The following ZNF550 variants were observed in gnomAD, a reference collection of about 807,000 sequenced individuals.
The protein encoded by ZNF550 is zinc finger protein 550.
A neutral mutation model predicts 40.2 loss-of-function variants in ZNF550; 42 were observed. That is an observed-to-expected ratio of 1.05 (90% CI 0.82 to 1.35). The LOEUF is 1.35. Ranked by LOEUF, ZNF550 falls within the 40% of genes most tolerant of loss-of-function variation. The probability of loss-of-function intolerance (pLI) is 0.00; values close to 1 mark genes in which losing one functional copy is unlikely to be tolerated. For synonymous variants in ZNF550, 223 were observed against 198.6 expected, an observed-to-expected ratio of 1.12 and a Z score of -1.03; for missense variants, 549 against 525.2, an observed-to-expected ratio of 1.05 and a Z score of -0.44.
At chr19:57,545,948 G>A (rs555913949) in intron 4 of ZNF550, among the ~76,000 whole-genome samples, 58 of 152,252 alleles carry the variant, frequency 3.8e-4, no homozygotes, top group Admixed American at 1.8e-3. Context: ...AGGAGTTCGA[G>A]GTTACAGGGA....
At chr19:57,548,454 G>A (rs949943361) in intron 3 of ZNF550, among the ~76,000 whole-genome samples, 4 of 152,132 alleles carry the variant, frequency 2.6e-5, no homozygotes, top group African/African-American at 9.7e-5. Context: ...ACATACAAAT[G>A]GCCAACAGGT....
chr19:57,552,519 C>T, intron 3 of ZNF550, 108 bp downstream of exon 3: 5 of 843,296 alleles, frequency 5.9e-6, no homozygotes, highest in Non-Finnish European at 9.2e-6. Context: ...CAACCAGGCC[C>T]CCGGAAAGCC....
chr19:57,553,855 A>G (rs911566884), intron 2 of ZNF550: 12 of 152,160 alleles, frequency 7.9e-5, no homozygotes, highest in African/African-American at 2.9e-4. Flanking sequence ...GTGCCCCCCA[A>G]AATTCTGGTG....
At chr19:57,547,771 T>A in exon 4 of ZNF550, 1 of 1,614,104 alleles carries the variant, frequency 6.2e-7, no homozygotes, top group Non-Finnish European at 8.5e-7. Context: ...ACCTTCACCT[T>A]CAAGGCTCAC....
At chr19:57,547,347 C>T (rs770454593) in exon 4 of ZNF550, 2 of 1,613,356 alleles carry the variant, frequency 1.2e-6, no homozygotes, top group South Asian at 2.2e-5. Flanking sequence ...TAAAAGTAGA[C>T]CGGTGGGTGA....
chr19:57,552,594 ATGACTCCACATGACCAGCTGG>A lies in ZNF550; in HGVS notation c.250+12_250+32del. The A allele has an allele frequency of 2.0e-6, 3 of 1,521,846 alleles. No individual in the cohort carries two copies. Among genetic ancestry groups the A allele is most frequent in the Non-Finnish European group, 2.7e-6 (3 of 1,116,062 alleles). The allele number at this position is 1,521,846 out of a possible 1,614,324, so 94.3% of individuals were successfully genotyped here. On this transcript the variant is annotated intron_variant, in intron 3 of 4. Coordinates refer to ENST00000457177, the Ensembl canonical transcript of ZNF550. ...GCCCTCACATTATCTGAAGACTGCC[ATGACTCCACATGACCAGCTGG>A]TGGCTGCTTACCTGCACAGGTAGCA...
intron 4 of ZNF550, among the ~76,000 whole-genome samples, chr19:57,545,818 G>T (rs1274324668): frequency 1.3e-5 from 2 of 152,100 alleles, no homozygotes; most frequent in African/African-American, 4.8e-5. Context: ...TTCCAGACCA[G>T]CCCAGCCAAC....
At chr19:57,557,941 G>A (rs939146491) in intron 1 of ZNF550, among the ~76,000 whole-genome samples, 13 of 152,236 alleles carry the variant, frequency 8.5e-5, no homozygotes, top group Non-Finnish European at 1.8e-4. Context: ...AATCAGTGGA[G>A]TGCCTAGCAC....
chr19:57,543,380 G>A (rs1046916424), intron 4 of ZNF550: 1 of 237,418 alleles, frequency 4.2e-6, no homozygotes, highest in Non-Finnish European at 6.8e-6. Context: ...TTAACTGGGT[G>A]AGGATCCTTC....
intron 1 of ZNF550, 95 bp downstream of exon 1, chr19:57,559,561 T>C (rs890580217): frequency 8.0e-6 from 10 of 1,256,990 alleles, no homozygotes; most frequent in Admixed American, 2.5e-5. Flanking sequence ...CGGCAGGGAC[T>C]GCACTGAGGA....
chr19:57,544,109 G>C, intron 4 of ZNF550: 2 of 985,412 alleles, frequency 2.0e-6, no homozygotes, highest in South Asian at 9.4e-5. Flanking sequence ...ATATTAGACA[G>C]TAAGTTCCTT....
intron 3 of ZNF550, among the ~76,000 whole-genome samples, 168 bp from the exon 4 acceptor site, chr19:57,548,161 C>A (rs535025997): frequency 2.2e-4 from 33 of 152,280 alleles, no homozygotes; most frequent in Admixed American, 1.7e-3. Context: ...GTCCTTGTAT[C>A]CTTGACACCA....
At chr19:57,559,662 T>A (rs993033694) in exon 1 of ZNF550, 1 of 1,508,208 alleles carries the variant, frequency 6.6e-7, no homozygotes, top group East Asian at 2.5e-5. Context: ...TCACCTGCGC[T>A]GCGTCCTTCG....
chr19:57,552,577 A>G, intron 3 of ZNF550, 50 bp downstream of exon 3: 1 of 1,415,538 alleles, frequency 7.1e-7, no homozygotes, highest in Non-Finnish European at 9.7e-7. Context: ...GTGCCCTCAC[A>G]TTATCTGAAG....
At chr19:57,543,469 C>T in intron 4 of ZNF550, 4 of 375,670 alleles carry the variant, frequency 1.1e-5, no homozygotes, top group Non-Finnish European at 1.1e-5. Context: ...AGTTAATTTA[C>T]CGTCCACATT....
chr19:57,560,668 T>A (rs1314980517), upstream of ZNF550, among the ~76,000 whole-genome samples: 1 of 151,966 alleles, frequency 6.6e-6, no homozygotes, highest in Non-Finnish European at 1.5e-5. Context: ...TAGGAAAAGG[T>A]GGGAATTTCT....
rs780866191 is a variant in ZNF550 at position 57,547,919 on chromosome 19, C to A, written c.325G>T (p.Gly109Ter). ...GTTGAAGATTCCAGAGTCAGGCTTC[C>A]CCGGAGAAAGGCCCGCTCAGATAAG... The change falls in exon 4 of 5, where the codon GGA (glycine) becomes TGA (stop). Residue 109 changes from glycine to a stop codon, truncating the protein, a stop_gained. Transcript: ENST00000457177. LOFTEE classifies it high-confidence loss of function. 1 of 1,614,162 alleles carries A rather than the reference C, an allele frequency of 6.2e-7. No individual in the cohort carries two copies. Among genetic ancestry groups the A allele is most frequent in the Admixed American group, 1.7e-5 (1 of 60,028 alleles).
chr19:57,549,293 A>C (rs965256993), intron 3 of ZNF550, among the ~76,000 whole-genome samples: 13 of 152,158 alleles, frequency 8.5e-5, no homozygotes, highest in African/African-American at 3.1e-4. Flanking sequence ...CATAAATTAA[A>C]AATTAGCCAG....
chr19:57,544,583 C>T (rs1014728601), intron 4 of ZNF550: 1 of 985,024 alleles, frequency 1.0e-6, no homozygotes, highest in African/African-American at 1.8e-5. Flanking sequence ...TGCACTCTGT[C>T]CTGAAAAAAC....
Sources: allele counts gnomAD v4.1 joint callset (sites outside exome capture counted in the v4.1 genomes callset), GRCh38; gene constraint gnomAD v4.1.1; transcripts MANE v1.5; gene names NCBI Gene and HGNC (gene_info 2026-07-23, HGNC 2026-07-21).